The following SHANK2 variants were observed in gnomAD, a reference collection of about 807,000 sequenced individuals.
SHANK2 encodes the protein SH3 and multiple ankyrin repeat domains protein 2.
In SHANK2, 43 loss-of-function variants were observed where a neutral mutation model predicts 133.7. The observed-to-expected ratio is 0.32, with a 90% confidence interval of 0.25 to 0.41. The LOEUF is 0.41. SHANK2 is among the 10% of genes least tolerant of loss of function. The pLI, the probability that SHANK2 is intolerant of heterozygous loss-of-function variation, is 1.00. For synonymous variants in SHANK2, 1,017 were observed against 952.8 expected (o/e 1.07, Z -1.24); for missense variants, 1,994 against 2,235.8 (o/e 0.89, Z 2.18).
rs553723863 is a variant in SHANK2, at chr11:70,532,796, C to T, written c.2062-29865G>A. On this transcript the variant is annotated intron_variant, in intron 17 of 25. Transcript: ENST00000601538. Reference sequence around the variant, plus strand: ...AATAATTCAGAGCAGGGTCTTAGACCGACACGTGCGCATGAGTGTCCACAG... The same window carrying T: ...AATAATTCAGAGCAGGGTCTTAGACTGACACGTGCGCATGAGTGTCCACAG... 2.0e-4 allele frequency among the ~76,000 whole-genome samples: 31 copies of T among 152,244 alleles called. No individual in the cohort carries two copies. In the Middle Eastern group the frequency reaches 0.01, roughly 50 times the overall value.
chr11:70,600,012 A>G (rs1355936965), intron 17 of SHANK2, among the ~76,000 whole-genome samples: 1 of 152,158 alleles, frequency 6.6e-6, no homozygotes, highest in Admixed American at 6.5e-5. Context: ...AACATTGTGA[A>G]GGGGTTAATT....
chr11:70,874,288 T>TA (rs782357518), intron 11 of SHANK2, among the ~76,000 whole-genome samples: 5 of 148,950 alleles, frequency 3.4e-5, no homozygotes, highest in African/African-American at 1.2e-4. Flanking sequence ...TAATCTAATC[T>TA]ATCTAATCTA....
Position 71,163,866 on chromosome 11 carries a change from T to C in SHANK2, c.-12-16528A>G, listed in dbSNP as rs1385113771. ...CAGAAGGAAGAATGCAAAATATCTA[T>C]ACATGCGTGCTTTTTATTGTGCACT... On this transcript the variant is annotated intron_variant, in intron 2 of 25. Transcript: ENST00000601538. Among the ~76,000 whole-genome samples the C allele has an allele frequency of 3.9e-5, 6 of 152,196 alleles. No individual in the cohort carries two copies. The East Asian group carries it at 9.6e-4, about 24-fold the overall frequency.
chr11:71,105,833 T>G (rs1555097769), intron 6 of SHANK2, among the ~76,000 whole-genome samples: 2 of 152,162 alleles, frequency 1.3e-5, no homozygotes, highest in African/African-American at 4.8e-5. Flanking sequence ...AGCTCCGGAC[T>G]TGAGGATCAC....
chr11:70,686,252 A>G (rs1314443046), intron 15 of SHANK2, among the ~76,000 whole-genome samples: 10 of 15,762 alleles, frequency 6.3e-4, no homozygotes, highest in Non-Finnish European at 1.2e-3. Flanking sequence ...CCACCCACCC[A>G]TCCACACACC....
chr11:71,181,588 G>A (rs1953557736), intron 2 of SHANK2, among the ~76,000 whole-genome samples: 2 of 152,136 alleles, frequency 1.3e-5, no homozygotes, highest in African/African-American at 2.4e-5. Context: ...CAATCGGAGT[G>A]GCCACCAGCA....
At chr11:70,690,670 C>CATAAATATAAATATAAATATAAAT (rs60007949) in intron 15 of SHANK2, among the ~76,000 whole-genome samples, 146 of 130,160 alleles carry the variant, frequency 1.1e-3, no homozygotes, top group East Asian at 3.9e-3. Context: ...ACTTAGAACC[C>CATAAATATAAATATAAATATAAAT]ATAAATATAA....
chr11:71,133,447 C>T (rs374548708), intron 3 of SHANK2, among the ~76,000 whole-genome samples: 4 of 105,150 alleles, frequency 3.8e-5, no homozygotes, highest in Non-Finnish European at 7.7e-5. Context: ...GAGGGACGGA[C>T]GGACAGACGG....
chr11:70,509,553 T>C (rs538667148), intron 17 of SHANK2, among the ~76,000 whole-genome samples: 1 of 152,324 alleles, frequency 6.6e-6, no homozygotes, highest in South Asian at 2.1e-4. Context: ...TCGGGTCAGC[T>C]TTCCTCAGCT....
chr11:71,233,170 T>G, intron 1 of SHANK2, among the ~76,000 whole-genome samples: 1 of 150,782 alleles, frequency 6.6e-6, no homozygotes, highest in African/African-American at 2.4e-5. Flanking sequence ...TGTATATGAA[T>G]GTTCACGGCA....
At position 71,203,479 on chromosome 11, in the gene SHANK2, C is replaced by T. The variant is rs143607219; in HGVS notation, c.-13+21218G>A. Among the ~76,000 whole-genome samples, 684 of 152,246 alleles carry T rather than the reference C, an allele frequency of 4.5e-3. 1 individual carries two copies. Among genetic ancestry groups the T allele is most frequent in the Non-Finnish European group, 7.9e-3 (535 of 68,024 alleles). On this transcript the variant is annotated intron_variant, in intron 2 of 25. Transcript: ENST00000601538. ...GCAGGCCTGGGTTGTCCAAACCCCACACACTCCAAAGAAAGACTGGGTCCC... is the reference window on the plus strand; with the variant it reads ...GCAGGCCTGGGTTGTCCAAACCCCATACACTCCAAAGAAAGACTGGGTCCC...
chr11:71,116,803 C>T (rs1307326780), intron 4 of SHANK2, among the ~76,000 whole-genome samples: 3 of 152,164 alleles, frequency 2.0e-5, no homozygotes, highest in Non-Finnish European at 2.9e-5. Flanking sequence ...AGTCAATTCT[C>T]GCTCTGTTAG....
Position 71,188,499 on chromosome 11 carries a change from A to G in SHANK2, c.-13+36198T>C, listed in dbSNP as rs1555114833. On this transcript the variant is annotated intron_variant, in intron 2 of 25. Coordinates refer to ENST00000601538, the MANE Select transcript of SHANK2 (RefSeq NM_012309.5). The surrounding 1 kb of genome is among the most constrained non-coding windows in gnomAD (Gnocchi z 4.6). ...AAGGGAACAGGAAAACACTGCAAAT[A>G]TTTACAGTGGACGTACGAAAAGGCA... 6.6e-6 allele frequency among the ~76,000 whole-genome samples: 1 copy of G among 152,134 alleles called. No individual in the cohort carries two copies.
At chr11:71,104,387 C>T (rs782141299) in intron 6 of SHANK2, among the ~76,000 whole-genome samples, 1 of 152,194 alleles carries the variant, frequency 6.6e-6, no homozygotes, top group Non-Finnish European at 1.5e-5. Flanking sequence ...ATCTCTGAAG[C>T]CCAGTGTCTC....
At chr11:70,757,040 G>C (rs1051336172) in intron 14 of SHANK2, among the ~76,000 whole-genome samples, 2 of 152,218 alleles carry the variant, frequency 1.3e-5, no homozygotes, top group Non-Finnish European at 2.9e-5. Context: ...TTATGGAGGG[G>C]AGCCGTGTGA....
intron 17 of SHANK2, among the ~76,000 whole-genome samples, chr11:70,572,908 A>C (rs1487315452): frequency 6.6e-6 from 1 of 152,034 alleles, no homozygotes; most frequent in African/African-American, 2.4e-5. Flanking sequence ...TATCCAAGAG[A>C]AATGAAGGCA....
intron 3 of SHANK2, among the ~76,000 whole-genome samples, chr11:71,137,249 TTTTC>T (rs1169657982): frequency 9.9e-6 from 1 of 101,092 alleles, no homozygotes; most frequent in African/African-American, 4.5e-5. Flanking sequence ...AGTTTTAGTC[TTTTC>T]TTTTTTTTTA....
chr11:71,132,813 T>A (rs1429384980), intron 3 of SHANK2, among the ~76,000 whole-genome samples: 1 of 152,206 alleles, frequency 6.6e-6, no homozygotes, highest in Admixed American at 6.5e-5. Flanking sequence ...CTTCCCTTTT[T>A]TTCTAAACAA....
intron 1 of SHANK2, among the ~76,000 whole-genome samples, chr11:71,235,224 C>T (rs181145892): frequency 2.4e-3 from 362 of 152,248 alleles, no homozygotes; most frequent in Non-Finnish European, 3.8e-3. Context: ...ACCAGGAACA[C>T]AGGTGTCTAA....
Sources: gnomAD v4.1 joint callset for allele counts (sites outside exome capture counted in the v4.1 genomes callset) on GRCh38, gnomAD v4.1.1 for gene constraint, Gnocchi (gnomAD v3.1) non-coding constraint, MANE v1.5 for transcripts, NCBI Gene and HGNC (gene_info 2026-07-23, HGNC 2026-07-21) for gene names.